Variants in ITSN1 observed in about 807,000 individuals in gnomAD.
ITSN1 encodes the protein intersectin 1, also known as intersectin-1.
In ITSN1, 58 loss-of-function variants were observed where a neutral mutation model predicts 239.8. The ratio of observed to expected loss-of-function variants is 0.24; its 90% CI spans 0.20 to 0.30. ITSN1 has a LOEUF of 0.30. Ranked by LOEUF, ITSN1 falls within the 10% of genes least tolerant of loss-of-function variation. The pLI is 1.00. For missense variants in ITSN1, 1,558 were observed against 2,103.3 expected (o/e 0.74, Z 5.07); for synonymous variants, 780 against 770.8 (o/e 1.01, Z -0.20).
chr21:33,839,363 G>A (rs996410678), intron 29 of ITSN1, among the ~76,000 whole-genome samples: 5 of 152,212 alleles, frequency 3.3e-5, no homozygotes, highest in African/African-American at 1.2e-4. Flanking sequence ...GCAAGGATCA[G>A]AGAACCTTCA....
At chr21:33,707,038 A>C (rs1397767938) in intron 1 of ITSN1, among the ~76,000 whole-genome samples, 3 of 152,050 alleles carry the variant, frequency 2.0e-5, no homozygotes, top group Non-Finnish European at 4.4e-5. Flanking sequence ...TCAGTTTTTA[A>C]CTTGAGCTTA....
Position 33,735,357 on chromosome 21 carries a change from G to A in ITSN1, c.346+153G>A, listed in dbSNP as rs528175321. On this transcript the variant is annotated intron_variant, in intron 5 of 39. Transcript: ENST00000381318. ...GCCCCCTGCAGGAAGATAGTGCTGG[G>A]GAGAAGAAGGAGCATGTTCACATTT... is the stretch of plus-strand genomic sequence containing the variant. The A allele has an allele frequency of 1.2e-5, 9 of 779,244 alleles. No homozygotes were observed. The South Asian group carries it at 1.3e-4, about 11-fold the overall frequency. 48.3% of individuals were successfully genotyped at this position (779,244 alleles called of 1,614,324 possible).
chr21:33,679,149 G>A (rs779468928), intron 1 of ITSN1, among the ~76,000 whole-genome samples: 11 of 152,258 alleles, frequency 7.2e-5, no homozygotes, highest in African/African-American at 4.8e-5. Flanking sequence ...AGTGTTTCCC[G>A]AATCATAAGC....
intron 1 of ITSN1, among the ~76,000 whole-genome samples, chr21:33,666,522 C>T (rs2146321546): frequency 6.6e-6 from 1 of 152,252 alleles, no homozygotes; most frequent in East Asian, 1.9e-4. Context: ...TGTAATTTTG[C>T]CAAAATACTT....
intron 26 of ITSN1, 75 bp from the exon 27 acceptor site, chr21:33,829,549 G>A: frequency 2.0e-6 from 3 of 1,515,710 alleles, no homozygotes; most frequent in Non-Finnish European, 2.7e-6. Flanking sequence ...GAACCTGGGA[G>A]GCGCCTGCAT....
intron 21 of ITSN1, 21 bp downstream of exon 21, chr21:33,811,243 T>C (rs773185481): frequency 2.6e-6 from 4 of 1,540,414 alleles, no homozygotes; most frequent in Non-Finnish European, 3.5e-6. Context: ...GTGGGCTCTT[T>C]CTGATGATTT....
chr21:33,700,990 T>TGTGTGTGTGTGTGTG (rs1375498602), intron 1 of ITSN1, among the ~76,000 whole-genome samples: 1 of 149,354 alleles, frequency 6.7e-6, no homozygotes, highest in African/African-American at 2.5e-5. Flanking sequence ...TGTGTGTGTG[T>TGTGTGTGTGTGTGTG]TTTCTTATAG....
intron 25 of ITSN1, 87 bp downstream of exon 25, chr21:33,823,740 T>C: frequency 2.3e-6 from 3 of 1,322,478 alleles, no homozygotes; most frequent in Non-Finnish European, 3.2e-6. Flanking sequence ...GGAACTTTGT[T>C]GGGTTTTGCT....
At chr21:33,814,757 T>TA (rs1450619605) in intron 22 of ITSN1, among the ~76,000 whole-genome samples, 1 of 151,828 alleles carries the variant, frequency 6.6e-6, no homozygotes, top group African/African-American at 2.4e-5. Flanking sequence ...GCAGGAAGAT[T>TA]AGAGTGGAGG....
intron 29 of ITSN1, among the ~76,000 whole-genome samples, chr21:33,856,294 G>A (rs1312252774): frequency 6.6e-6 from 1 of 152,158 alleles, no homozygotes; most frequent in African/African-American, 2.4e-5. Flanking sequence ...GACCACAAAC[G>A]GGGGGACTTA....
intron 20 of ITSN1, 159 bp from the exon 21 acceptor site, chr21:33,810,816 G>A: frequency 1.1e-6 from 1 of 872,976 alleles, no homozygotes; most frequent in South Asian, 1.4e-5. Context: ...CAGCATTACT[G>A]CTTAGACTCT....
intron 19 of ITSN1, among the ~76,000 whole-genome samples, chr21:33,801,889 C>CT (rs1274770838): frequency 6.6e-6 from 1 of 152,224 alleles, no homozygotes; most frequent in East Asian, 1.9e-4. Context: ...CAGCTTTCCT[C>CT]TGACTTCACC....
intron 29 of ITSN1, among the ~76,000 whole-genome samples, chr21:33,855,399 C>A (rs945768763): frequency 6.6e-6 from 1 of 152,222 alleles, no homozygotes; most frequent in Non-Finnish European, 1.5e-5. Flanking sequence ...CCATTGTGCC[C>A]CCTTGAGGGG....
intron 34 of ITSN1, among the ~76,000 whole-genome samples, chr21:33,878,008 T>TTGTGTGTGTG (rs71194867): frequency 0.022 from 3,103 of 140,138 alleles, 40 homozygotes; most frequent in South Asian, 0.044. Context: ...CTCTCTCTCT[T>TTGTGTGTGTG]TGTGTGTGTG....
At chr21:33,691,677 T>C (rs975033230) in intron 1 of ITSN1, among the ~76,000 whole-genome samples, 2 of 152,226 alleles carry the variant, frequency 1.3e-5, no homozygotes, top group Non-Finnish European at 2.9e-5. Context: ...TTATTTCTTA[T>C]AGTTCTGGAG....
chr21:33,726,183 A>G (rs1402250848), intron 4 of ITSN1, among the ~76,000 whole-genome samples: 1 of 152,128 alleles, frequency 6.6e-6, no homozygotes, highest in Admixed American at 6.6e-5. Flanking sequence ...TAGTAGAGAC[A>G]GGTTTTCACC....
At chr21:33,726,523 A>G (rs982942324) in intron 4 of ITSN1, among the ~76,000 whole-genome samples, 1 of 151,970 alleles carries the variant, frequency 6.6e-6, no homozygotes, top group Admixed American at 6.6e-5. Context: ...TTTGTTTTTG[A>G]GACAGGGTCT....
chr21:33,665,875 C>T (rs2089897323), intron 1 of ITSN1, among the ~76,000 whole-genome samples: 1 of 150,674 alleles, frequency 6.6e-6, no homozygotes, highest in Admixed American at 6.6e-5. Context: ...ACATGTATAA[C>T]ATAGATGTAC....
chr21:33,716,106 A>G (rs914330679), intron 1 of ITSN1, among the ~76,000 whole-genome samples: 8 of 152,252 alleles, frequency 5.3e-5, no homozygotes, highest in African/African-American at 1.9e-4. Context: ...AGTTATGGAG[A>G]TAACAGCATG....
Sources: gnomAD v4.1 joint callset for allele counts (sites outside exome capture counted in the v4.1 genomes callset) on GRCh38, gnomAD v4.1.1 for gene constraint, MANE v1.5 for transcripts, NCBI Gene and HGNC (gene_info 2026-07-23, HGNC 2026-07-21) for gene names.